The following HSD17B12 variants were observed in gnomAD, a reference collection of about 807,000 sequenced individuals.
HSD17B12 encodes the protein hydroxysteroid 17-beta dehydrogenase 12, also known as very-long-chain 3-oxoacyl-CoA reductase.
In HSD17B12, 32 loss-of-function variants were observed where a neutral mutation model predicts 39.3. The observed-to-expected ratio is 0.81, with a 90% confidence interval of 0.61 to 1.09. The LOEUF (loss-of-function observed/expected upper bound fraction) is 1.09, where lower values mean the gene tolerates loss of function less well. Ranked by LOEUF, HSD17B12 falls within the 50% of genes least tolerant of loss-of-function variation. HSD17B12 has a pLI of 0.00. For missense variants in HSD17B12, 342 were observed against 382.9 expected (o/e 0.89, Z 0.89); for synonymous variants, 150 against 146.7 (o/e 1.02, Z -0.16).
chr11:43,612,404 A>G, the HSD17B12 span, among the ~76,000 whole-genome samples: 4 of 152,214 alleles, frequency 2.6e-5, no homozygotes, highest in Non-Finnish European at 4.4e-5. Context: ...GATCTGTGGG[A>G]AAGTCTGGGT....
At chr11:43,830,942 G>A (rs1284313446) in intron 6 of HSD17B12, 34 bp from the exon 7 acceptor site, 2 of 1,591,004 alleles carry the variant, frequency 1.3e-6, no homozygotes, top group East Asian at 2.3e-5. Flanking sequence ...CTGCATCCTT[G>A]GCCATCATGA....
Position 43,706,834 on chromosome 11 carries a change from T to G in HSD17B12, c.160+25847T>G, listed in dbSNP as rs146594382. ...GTTTAAGGTACAGTATTATGCTGAC[T>G]AGTAAAATAATCTTAATTCTTTGAT... On this transcript the variant is annotated intron_variant, in intron 1 of 10. Transcript: ENST00000278353. 6.2e-3 allele frequency among the ~76,000 whole-genome samples: 944 copies of G among 152,206 alleles called. 16 individuals are homozygous for G. The highest frequency in any genetic ancestry group is 0.021 in the African/African-American group (885 of 41,530).
At chr11:43,797,995 T>A (rs1455127743) in intron 3 of HSD17B12, among the ~76,000 whole-genome samples, 1 of 152,214 alleles carries the variant, frequency 6.6e-6, no homozygotes, top group Non-Finnish European at 1.5e-5. Context: ...AGTATATAAC[T>A]TTATGATATG....
upstream of HSD17B12, chr11:43,680,613 A>C: frequency 1.8e-6 from 1 of 570,900 alleles, no homozygotes; most frequent in Non-Finnish European, 3.2e-6. Flanking sequence ...GGGCAGTGGA[A>C]CTGGAGTCAG....
chr11:43,768,297 A>T (rs1465786712), intron 3 of HSD17B12, among the ~76,000 whole-genome samples: 1 of 152,206 alleles, frequency 6.6e-6, no homozygotes, highest in Non-Finnish European at 1.5e-5. Context: ...TGTTGGAGTT[A>T]TTATATTATT....
chr11:43,675,018 T>C, the HSD17B12 span, among the ~76,000 whole-genome samples: 1 of 152,234 alleles, frequency 6.6e-6, no homozygotes, highest in African/African-American at 2.4e-5. Context: ...TCTATTTTCA[T>C]TTATTCCTTC....
chr11:43,616,517 G>A, the HSD17B12 span, among the ~76,000 whole-genome samples: 1 of 151,122 alleles, frequency 6.6e-6, no homozygotes, highest in Non-Finnish European at 1.5e-5. Flanking sequence ...AGTATTGAAT[G>A]CTCATCATAT....
chr11:43,808,290 AT>A (rs35078092), intron 4 of HSD17B12, among the ~76,000 whole-genome samples: 64,032 of 145,852 alleles, frequency 0.44, 13,979 homozygotes, highest in East Asian at 0.71. Context: ...AGGTGCATGG[AT>A]TTTTTTTTTT....
At chr11:43,650,719 A>G in the HSD17B12 span, among the ~76,000 whole-genome samples, 2 of 152,226 alleles carry the variant, frequency 1.3e-5, no homozygotes, top group Admixed American at 1.3e-4. Context: ...AGGAATACAT[A>G]GGTAAAATAT....
At chr11:43,654,538 G>T in the HSD17B12 span, among the ~76,000 whole-genome samples, 134,047 of 151,506 alleles carry the variant, frequency 0.88, 60,841 homozygotes, top group Non-Finnish European at 0.98. Context: ...GGTCTAACAT[G>T]TAAGTCTTTA....
intron 4 of HSD17B12, among the ~76,000 whole-genome samples, chr11:43,813,148 A>G (rs2135074168): frequency 1.3e-5 from 2 of 152,154 alleles, no homozygotes; most frequent in South Asian, 4.1e-4. Context: ...GCAACTCTCT[A>G]TTGTTAATAC....
intron 3 of HSD17B12, among the ~76,000 whole-genome samples, chr11:43,794,586 G>A (rs1950899389): frequency 1.3e-5 from 2 of 152,204 alleles, no homozygotes; most frequent in Admixed American, 1.3e-4. Context: ...TCAGAATCTT[G>A]TAGGTACAAG....
intron 1 of HSD17B12, among the ~76,000 whole-genome samples, chr11:43,737,076 T>A (rs1950323300): frequency 6.6e-6 from 1 of 152,168 alleles, no homozygotes; most frequent in Admixed American, 6.5e-5. Flanking sequence ...CTTTAATCAA[T>A]CGAGTGTTTT....
At chr11:43,788,407 A>G (rs1950835696) in intron 3 of HSD17B12, among the ~76,000 whole-genome samples, 1 of 152,218 alleles carries the variant, frequency 6.6e-6, no homozygotes, top group African/African-American at 2.4e-5. Flanking sequence ...ATGTTTCATT[A>G]ACCAGATTTC....
intron 9 of HSD17B12, chr11:43,853,137 A>G (rs1292535688): frequency 6.6e-6 from 1 of 152,208 alleles, no homozygotes; most frequent in African/African-American, 2.4e-5. Context: ...GGAGATCGAG[A>G]CCATCCTGGC....
At chr11:43,783,543 C>A (rs1211030814) in intron 3 of HSD17B12, among the ~76,000 whole-genome samples, 1 of 151,886 alleles carries the variant, frequency 6.6e-6, no homozygotes, top group East Asian at 1.9e-4. Context: ...AGGTATTTCT[C>A]CTAATGCTAT....
At chr11:43,682,361 A>C (rs1273590310) in intron 1 of HSD17B12, among the ~76,000 whole-genome samples, 2 of 152,000 alleles carry the variant, frequency 1.3e-5, no homozygotes, top group Non-Finnish European at 2.9e-5. Flanking sequence ...GACCAGCCTG[A>C]CCAACACGGT....
At chr11:43,806,041 A>G (rs111613330) in intron 4 of HSD17B12, among the ~76,000 whole-genome samples, 201 of 152,354 alleles carry the variant, frequency 1.3e-3, no homozygotes, top group Non-Finnish European at 2.6e-3. Context: ...GGAGTCCCCA[A>G]CACAGAGGTT....
the HSD17B12 span, among the ~76,000 whole-genome samples, chr11:43,670,793 G>T: frequency 2.2e-4 from 34 of 152,162 alleles, no homozygotes; most frequent in African/African-American, 8.0e-4. Context: ...GCTGAGGCAG[G>T]AGGATTGCTT....
Sources: allele counts gnomAD v4.1 joint callset (sites outside exome capture counted in the v4.1 genomes callset), GRCh38; gene constraint gnomAD v4.1.1; transcripts MANE v1.5; gene names NCBI Gene and HGNC (gene_info 2026-07-23, HGNC 2026-07-21).